TSPAN9: variants seen among roughly 807,000 people sequenced by gnomAD.
The protein encoded by TSPAN9 is tetraspanin 9.
A neutral mutation model predicts 31.0 loss-of-function variants in TSPAN9; 16 were observed. The observed-to-expected ratio is 0.52, with a 90% confidence interval of 0.35 to 0.78. The LOEUF (loss-of-function observed/expected upper bound fraction) is 0.78, where lower values mean the gene tolerates loss of function less well. Among genes scored for constraint, TSPAN9 ranks in the 30% least tolerant of loss-of-function variants. The pLI is 0.01. For missense variants in TSPAN9, 272 were observed against 312.5 expected (o/e 0.87, Z 0.98); for synonymous variants, 145 against 121.6 (o/e 1.19, Z -1.27).
intron 3 of TSPAN9, among the ~76,000 whole-genome samples, chr12:3,267,186 A>G (rs1862552650): frequency 6.6e-6 from 1 of 152,214 alleles, no homozygotes; most frequent in South Asian, 2.1e-4. Flanking sequence ...AGAATGAGTT[A>G]CAGTCTCCTA....
chr12:3,207,520 C>T (rs147445623), intron 3 of TSPAN9, among the ~76,000 whole-genome samples: 2,038 of 152,176 alleles, frequency 0.013, 22 homozygotes, highest in South Asian at 0.04. Context: ...AGCACAAGGT[C>T]GAGATGTGGC....
chr12:3,096,293 C>T (rs1283407362), intron 2 of TSPAN9, among the ~76,000 whole-genome samples: 1 of 152,206 alleles, frequency 6.6e-6, no homozygotes, highest in Non-Finnish European at 1.5e-5. Context: ...ACCTCTACCT[C>T]CCGATTCCCC....
At position 3,170,386 on chromosome 12, in the gene TSPAN9, A is replaced by T. The variant is rs913174014; in HGVS notation, c.-17-30791A>T. 3.9e-5 allele frequency among the ~76,000 whole-genome samples: 6 copies of T among 152,350 alleles called. No homozygotes were observed. The highest frequency in any genetic ancestry group is 1.4e-4 in the African/African-American group (6 of 41,580). Reference sequence around the variant, plus strand: ...CCAATCTACGGCTAGCTTGCTCCAGATAGCATGTAGCATAGGATTCCACAT... The same window carrying T: ...CCAATCTACGGCTAGCTTGCTCCAGTTAGCATGTAGCATAGGATTCCACAT... On this transcript the variant is annotated intron_variant, in intron 2 of 8. Transcript: ENST00000011898. The surrounding 1 kb of genome is among the most constrained non-coding windows in gnomAD (Gnocchi z 4.4).
intron 3 of TSPAN9, among the ~76,000 whole-genome samples, chr12:3,246,579 T>C (rs633311): frequency 0.86 from 131,353 of 152,160 alleles, 58,398 homozygotes; most frequent in Non-Finnish European, 0.98. Flanking sequence ...AGCCCATTCC[T>C]CCCTCAGTGC....
At chr12:3,233,906 C>G (rs1365454541) in intron 3 of TSPAN9, among the ~76,000 whole-genome samples, 1 of 152,330 alleles carries the variant, frequency 6.6e-6, no homozygotes, top group Non-Finnish European at 1.5e-5. Flanking sequence ...AGCCAGGTCT[C>G]TGCAGGGAAT....
At chr12:3,084,383 C>T (rs1565569390) in intron 2 of TSPAN9, among the ~76,000 whole-genome samples, 2 of 152,166 alleles carry the variant, frequency 1.3e-5, no homozygotes, top group African/African-American at 4.8e-5. Context: ...TGTGTTTTCT[C>T]CTGCGGCTTC....
At chr12:3,223,670 C>T (rs1020829365) in intron 3 of TSPAN9, among the ~76,000 whole-genome samples, 1 of 152,222 alleles carries the variant, frequency 6.6e-6, no homozygotes. Flanking sequence ...TGCATTTCCT[C>T]ACCTATAAAA....
chr12:3,156,227 T>A (rs1441408611), intron 2 of TSPAN9, among the ~76,000 whole-genome samples: 1 of 152,056 alleles, frequency 6.6e-6, no homozygotes, highest in Non-Finnish European at 1.5e-5. Context: ...GAAGGGAAAA[T>A]GGTACTGAAG....
At chr12:3,102,415 C>T (rs1565576065) in intron 2 of TSPAN9, among the ~76,000 whole-genome samples, 2 of 150,316 alleles carry the variant, frequency 1.3e-5, no homozygotes, top group Non-Finnish European at 2.9e-5. Flanking sequence ...GTATAAGCTG[C>T]TTACCCTGGC....
At chr12:3,089,299 ATTT>A (rs71057897) in intron 2 of TSPAN9, among the ~76,000 whole-genome samples, 1 of 128,878 alleles carries the variant, frequency 7.8e-6, no homozygotes. Flanking sequence ...TTCAAGGTGA[ATTT>A]TTTTTTTTTT....
chr12:3,157,087 C>A (rs2098342625), intron 2 of TSPAN9, among the ~76,000 whole-genome samples: 1 of 151,518 alleles, frequency 6.6e-6, no homozygotes, highest in Non-Finnish European at 1.5e-5. Context: ...CCACTTAATT[C>A]AGGCTGAATG....
chr12:3,265,616 C>A (rs927254241), intron 3 of TSPAN9, among the ~76,000 whole-genome samples: 1 of 152,194 alleles, frequency 6.6e-6, no homozygotes, highest in Non-Finnish European at 1.5e-5. Flanking sequence ...AGCGTCTGTC[C>A]GCTGCCCCTG....
intron 3 of TSPAN9, among the ~76,000 whole-genome samples, chr12:3,202,279 C>G (rs1480048396): frequency 6.6e-6 from 1 of 152,238 alleles, no homozygotes; most frequent in African/African-American, 2.4e-5. Flanking sequence ...GTCCTGCCCT[C>G]TGGAGGCTGT....
chr12:3,197,169 C>G (rs925903390), intron 2 of TSPAN9, among the ~76,000 whole-genome samples: 1 of 152,192 alleles, frequency 6.6e-6, no homozygotes, highest in Admixed American at 6.5e-5. Context: ...ACTGCCTTGC[C>G]CTTGATCACA....
chr12:3,218,536 G>T (rs566265875), intron 3 of TSPAN9, among the ~76,000 whole-genome samples: 15 of 152,364 alleles, frequency 9.8e-5, no homozygotes, highest in African/African-American at 3.6e-4. Context: ...TGGGCCAGGG[G>T]TGATGGCGGT....
chr12:3,165,596 A>C (rs939608748), intron 2 of TSPAN9, among the ~76,000 whole-genome samples: 2 of 152,300 alleles, frequency 1.3e-5, no homozygotes, highest in African/African-American at 4.8e-5. Flanking sequence ...CCCATTGTAC[A>C]GAAGGAGATA....
At chr12:3,226,559 A>T (rs1413971607) in intron 3 of TSPAN9, among the ~76,000 whole-genome samples, 1 of 150,110 alleles carries the variant, frequency 6.7e-6, no homozygotes, top group African/African-American at 2.5e-5. Flanking sequence ...GTGTATATAT[A>T]TGGCTGAGGC....
At chr12:3,111,832 G>A (rs1272206647) in intron 2 of TSPAN9, among the ~76,000 whole-genome samples, 2 of 151,968 alleles carry the variant, frequency 1.3e-5, no homozygotes, top group African/African-American at 2.4e-5. Context: ...GGCTGGTCTC[G>A]AACTCCTGAC....
chr12:3,273,744 A>T (rs1175917994), intron 3 of TSPAN9, among the ~76,000 whole-genome samples: 1 of 151,964 alleles, frequency 6.6e-6, no homozygotes, highest in Non-Finnish European at 1.5e-5. Flanking sequence ...TGCCCGCTGC[A>T]CTGGCTTCAG....
Sources: gnomAD v4.1 joint callset for allele counts (sites outside exome capture counted in the v4.1 genomes callset) on GRCh38, gnomAD v4.1.1 for gene constraint, Gnocchi (gnomAD v3.1) non-coding constraint, MANE v1.5 for transcripts, NCBI Gene and HGNC (gene_info 2026-07-23, HGNC 2026-07-21) for gene names.